The following PCSK5 variants were observed in gnomAD, a reference collection of about 807,000 sequenced individuals.
PCSK5 encodes prohormone convertase 5.
In PCSK5, 129 loss-of-function variants were observed where a neutral mutation model predicts 233.2. That is an observed-to-expected ratio of 0.55 (90% CI 0.48 to 0.64). The LOEUF (loss-of-function observed/expected upper bound fraction) is 0.64. Ranked by LOEUF, PCSK5 falls within the 30% of genes least tolerant of loss-of-function variation. PCSK5 has a pLI of 0.00. For missense variants in PCSK5, 2,076 were observed against 2,430.1 expected, an observed-to-expected ratio of 0.85 and a Z score of 3.06; for synonymous variants, 825 against 879.2, an observed-to-expected ratio of 0.94 and a Z score of 1.09.
chr9:76,232,304 T>A (rs1271656826), intron 21 of PCSK5, among the ~76,000 whole-genome samples: 1 of 152,210 alleles, frequency 6.6e-6, no homozygotes, highest in Non-Finnish European at 1.5e-5. Context: ...CAGGCCTGGA[T>A]GGCAGCATTA....
intron 30 of PCSK5, among the ~76,000 whole-genome samples, chr9:76,320,040 C>T (rs992019437): frequency 1.3e-5 from 2 of 152,088 alleles, no homozygotes; most frequent in African/African-American, 4.8e-5. Flanking sequence ...GTCTTGTATG[C>T]GATAAATATC....
intron 35 of PCSK5, among the ~76,000 whole-genome samples, chr9:76,349,383 C>T (rs1830063520): frequency 6.6e-6 from 1 of 151,774 alleles, no homozygotes; most frequent in African/African-American, 2.4e-5. Context: ...AATAACGTTC[C>T]AGAACATGTG....
In PCSK5 at chr9:75,998,302, T is replaced by C. The variant is rs77280735; in HGVS notation, c.411+12057T>C. 1.4e-3 allele frequency among the ~76,000 whole-genome samples: 209 copies of C among 152,274 alleles called. 1 individual carries two copies. The highest frequency in any genetic ancestry group is 6.8e-3 in the Middle Eastern group (2 of 294). On this transcript the variant is annotated intron_variant, in intron 3 of 37. Transcript: ENST00000674117. Reference sequence around the variant, plus strand: ...TCTGACTTTTCTTTCATTACTGTGCTCTGTGTCCCAGGCCCTTCCACTTAA... The same window carrying C: ...TCTGACTTTTCTTTCATTACTGTGCCCTGTGTCCCAGGCCCTTCCACTTAA...
intron 2 of PCSK5, among the ~76,000 whole-genome samples, chr9:75,952,799 T>G (rs568527361): frequency 6.6e-6 from 1 of 152,344 alleles, no homozygotes; most frequent in African/African-American, 2.4e-5. Context: ...GTGTCAAAAC[T>G]CGTTCATTTC....
chr9:75,924,412 C>T (rs1430839029), intron 1 of PCSK5, among the ~76,000 whole-genome samples: 3 of 152,164 alleles, frequency 2.0e-5, no homozygotes, highest in Non-Finnish European at 4.4e-5. Flanking sequence ...GATGCAATAG[C>T]ATTTACGAAT....
chr9:76,357,653 CT>C (rs1049759119), intron 37 of PCSK5, among the ~76,000 whole-genome samples: 24 of 152,322 alleles, frequency 1.6e-4, no homozygotes, highest in African/African-American at 5.8e-4. Context: ...TTGTCAGAGC[CT>C]TTTGTCCTAA....
chr9:75,927,973 T>A (rs1350384059), intron 1 of PCSK5, among the ~76,000 whole-genome samples: 1 of 152,144 alleles, frequency 6.6e-6, no homozygotes, highest in Non-Finnish European at 1.5e-5. Flanking sequence ...CACACTTTGG[T>A]TCTAGAAAGG....
intron 24 of PCSK5, among the ~76,000 whole-genome samples, chr9:76,289,381 G>A (rs1196561994): frequency 6.6e-6 from 1 of 151,482 alleles, no homozygotes; most frequent in Admixed American, 6.6e-5. Flanking sequence ...CAAATCACCC[G>A]AGCTATTTAA....
intron 1 of PCSK5, among the ~76,000 whole-genome samples, chr9:75,920,258 A>C (rs1251100953): frequency 6.6e-6 from 1 of 152,124 alleles, no homozygotes; most frequent in Non-Finnish European, 1.5e-5. Context: ...CAGGGTCATA[A>C]GCTGTCCCAA....
chr9:75,976,824 A>T (rs933162841), intron 2 of PCSK5, among the ~76,000 whole-genome samples: 1 of 152,092 alleles, frequency 6.6e-6, no homozygotes, highest in East Asian at 1.9e-4. Flanking sequence ...TTTAAATGTT[A>T]AAGAAATATC....
chr9:76,259,577 C>T (rs879611921), intron 24 of PCSK5, among the ~76,000 whole-genome samples: 2 of 151,960 alleles, frequency 1.3e-5, no homozygotes, highest in Non-Finnish European at 2.9e-5. Flanking sequence ...ATCTGTGTGT[C>T]GTATTTCTTC....
At chr9:76,272,773 C>CAAAAAAAAAAAAAAAAA (rs71372058) in intron 24 of PCSK5, among the ~76,000 whole-genome samples, 1 of 49,952 alleles carries the variant, frequency 2.0e-5, no homozygotes, top group Non-Finnish European at 3.8e-5. Context: ...GACTCCATCT[C>CAAAAAAAAAAAAAAAAA]AAAAAAAAAA....
chr9:76,329,938 C>G (rs1475373721), intron 33 of PCSK5, among the ~76,000 whole-genome samples: 1 of 152,136 alleles, frequency 6.6e-6, no homozygotes. Context: ...GGCCAGCATA[C>G]TTCAGAAGTG....
intron 5 of PCSK5, among the ~76,000 whole-genome samples, chr9:76,042,386 C>A (rs1192951922): frequency 6.6e-6 from 1 of 152,224 alleles, no homozygotes; most frequent in African/African-American, 2.4e-5. Flanking sequence ...CATGGTGGCT[C>A]ACGCCTGTAA....
intron 11 of PCSK5, among the ~76,000 whole-genome samples, chr9:76,158,639 G>A (rs1313926658): frequency 6.6e-6 from 1 of 152,174 alleles, no homozygotes; most frequent in African/African-American, 2.4e-5. Flanking sequence ...CTGGGAACTT[G>A]TTAGAAATGC....
chr9:75,999,670 A>T (rs1827182379), intron 3 of PCSK5, among the ~76,000 whole-genome samples: 1 of 152,224 alleles, frequency 6.6e-6, no homozygotes, highest in African/African-American at 2.4e-5. Context: ...CCGTAAATCC[A>T]CAACCTTCCA....
At chr9:76,058,239 T>C (rs992655259) in intron 5 of PCSK5, among the ~76,000 whole-genome samples, 1 of 152,148 alleles carries the variant, frequency 6.6e-6, no homozygotes, top group Non-Finnish European at 1.5e-5. Flanking sequence ...GGCAGGTACA[T>C]GCATTTTCGA....
chr9:76,084,753 G>A (rs976346990), intron 7 of PCSK5, among the ~76,000 whole-genome samples: 1 of 152,136 alleles, frequency 6.6e-6, no homozygotes, highest in Non-Finnish European at 1.5e-5. Flanking sequence ...AGACAGATCA[G>A]TTTCCTTCAA....
At chr9:76,307,204 C>T (rs891351429) in intron 28 of PCSK5, among the ~76,000 whole-genome samples, 2 of 152,152 alleles carry the variant, frequency 1.3e-5, no homozygotes, top group Non-Finnish European at 1.5e-5. Context: ...CCCTACCCTT[C>T]GGCGGCATAG....
Sources: gnomAD v4.1 joint callset for allele counts (sites outside exome capture counted in the v4.1 genomes callset) on GRCh38, gnomAD v4.1.1 for gene constraint, MANE v1.5 for transcripts, NCBI Gene and HGNC (gene_info 2026-07-23, HGNC 2026-07-21) for gene names.